The following FDXACB1 variants were observed in gnomAD, a reference collection of about 807,000 sequenced individuals.
FDXACB1 encodes the protein ferredoxin-fold anticodon-binding domain-containing protein 1.
In FDXACB1, 41 loss-of-function variants were observed where a neutral mutation model predicts 51.7. That is an observed-to-expected ratio of 0.79 (90% CI 0.62 to 1.03). The LOEUF (loss-of-function observed/expected upper bound fraction) is 1.03. Among genes scored for constraint, FDXACB1 ranks in the 50% least tolerant of loss-of-function variants. The pLI, the probability that FDXACB1 is intolerant of heterozygous loss-of-function variation, is 0.00. For missense variants in FDXACB1, 697 were observed against 746.4 expected (o/e 0.93, Z 0.77); for synonymous variants, 273 against 278.6 (o/e 0.98, Z 0.20).
intron 2 of FDXACB1, among the ~76,000 whole-genome samples, chr11:111,878,144 A>G (rs558022216): frequency 1.1e-4 from 16 of 152,086 alleles, no homozygotes; most frequent in African/African-American, 3.9e-4. Context: ...CCGAGATTGC[A>G]CCACACCACT....
intron 2 of FDXACB1, 67 bp downstream of exon 2, chr11:111,878,489 T>A (rs939691531): frequency 6.8e-7 from 1 of 1,478,662 alleles, no homozygotes; most frequent in Non-Finnish European, 9.1e-7. Flanking sequence ...GTGCCTTATG[T>A]TTGGGTACAG....
At position 111,876,488 on chromosome 11, in the gene FDXACB1, A is replaced by T; in HGVS notation, c.685T>A (p.Leu229Met). ...AGCAAAATAACTGGTTACCTGTTCA[A>T]CTTTCCTACAAGTGCTTCTGGTTCT... ...FPEPEALVGK[L>M]NRGFLEAPSC... The change falls in exon 4 of 5, where the codon TTG becomes ATG. Residue 229 changes from leucine to methionine, a missense_variant. Physicochemically the swap from Leu to Met is conservative, Grantham distance 15. Around this residue, in one of 3 missense-constraint regions of FDXACB1, gnomAD observed 538 missense variants for 592.2 expected, o/e 0.91. Transcript: ENST00000260257. 1 of 1,613,216 alleles carries T rather than the reference A, an allele frequency of 6.2e-7. No homozygotes were observed.
At chr11:111,877,808 C>T (rs1242457250) in intron 2 of FDXACB1, among the ~76,000 whole-genome samples, 17 of 151,528 alleles carry the variant, frequency 1.1e-4, no homozygotes, top group Admixed American at 1.1e-3. Context: ...TGAGCCACCA[C>T]GCCTGGCCCA....
Position 111,878,609 on chromosome 11 carries a change from T to TCCACA in FDXACB1, c.271_275dup (p.Arg93ValfsTer7). 3 of 1,603,764 alleles carry TCCACA rather than the reference T, an allele frequency of 1.9e-6. No individual in the cohort carries two copies. Among genetic ancestry groups the TCCACA allele is most frequent in the Non-Finnish European group, 2.6e-6 (3 of 1,174,882 alleles). On this transcript the variant is annotated frameshift_variant, in exon 2 of 5. Coordinates refer to ENST00000260257, the MANE Select transcript of FDXACB1 (RefSeq NM_138378.3). LOFTEE classifies it high-confidence loss of function. ...TGTTCTTAGCTACGCCAGCTTTGCGTCCACAATGCGGGAAGATGAAATAAA... is the reference window on the plus strand; with the variant it reads ...TGTTCTTAGCTACGCCAGCTTTGCGTCCACACCACAATGCGGGAAGATGAAATAAA...
At chr11:111,877,286 C>G (rs1555162317) in intron 2 of FDXACB1, among the ~76,000 whole-genome samples, 1 of 152,198 alleles carries the variant, frequency 6.6e-6, no homozygotes, top group African/African-American at 2.4e-5. Context: ...AGATCAATAT[C>G]TGCACAGTTC....
Position 111,878,617 on chromosome 11 carries a change from G to A in FDXACB1, c.268C>T (p.His90Tyr), listed in dbSNP as rs376916792. 2 of 1,603,750 alleles carry A rather than the reference G, an allele frequency of 1.2e-6. No individual in the cohort carries two copies. Among genetic ancestry groups the A allele is most frequent in the African/African-American group, 2.7e-5 (2 of 74,714 alleles). Residue 90 changes from histidine (H) to tyrosine (Y), a missense_variant, in exon 2 of 5, where the codon CAT (histidine) becomes TAT (tyrosine). His to Tyr is a moderately conservative substitution (Grantham distance 83). Around this residue, in one of 3 missense-constraint regions of FDXACB1, gnomAD observed 153 missense variants for 133.5 expected, o/e 1.15. Transcript: ENST00000260257. ...EFDQIYFIFP[H>Y]CGRKAGVAKN... ...GCTACGCCAGCTTTGCGTCCACAAT[G>A]CGGGAAGATGAAATAAATTTGATCA...
At chr11:111,877,512 C>CTTTTTTTTTTT (rs35506169) in intron 2 of FDXACB1, among the ~76,000 whole-genome samples, 1 of 106,916 alleles carries the variant, frequency 9.4e-6, no homozygotes, top group African/African-American at 3.5e-5. Context: ...CTGTTAGTTA[C>CTTTTTTTTTTT]TTTTTTTTTT....
chr11:111,878,177 G>C (rs1253181708), intron 2 of FDXACB1, among the ~76,000 whole-genome samples: 1 of 152,002 alleles, frequency 6.6e-6, no homozygotes, highest in Non-Finnish European at 1.5e-5. Context: ...GGGCGACAGG[G>C]CGAGACTCTG....
chr11:111,875,118 C>T lies in FDXACB1; in HGVS notation c.1679G>A (p.Arg560Gln), dbSNP rs782726472. 39 of 1,613,702 alleles carry T rather than the reference C, an allele frequency of 2.4e-5. No individual in the cohort carries two copies. Among genetic ancestry groups the T allele is most frequent in the Admixed American group, 1.0e-4 (6 of 60,006 alleles). Residue 560 changes from arginine to glutamine, a missense_variant, in exon 5 of 5, where the codon CGA (arginine) becomes CAA (glutamine). Around this residue, in one of 3 missense-constraint regions of FDXACB1, gnomAD observed 538 missense variants for 592.2 expected, o/e 0.91. Coordinates refer to ENST00000260257, the MANE Select transcript of FDXACB1 (RefSeq NM_138378.3). Reference sequence around the variant, plus strand: ...TATAATAGTGTCCTGAGACACTGCTCGGGCCACAGTGTGAAACTCTAGTTC... The same window carrying T: ...TATAATAGTGTCCTGAGACACTGCTTGGGCCACAGTGTGAAACTCTAGTTC... ...FDELEFHTVARAVSQDTIISI... is the reference protein window; with the variant it reads ...FDELEFHTVAQAVSQDTIISI...
chr11:111,876,506 C>A lies in FDXACB1; in HGVS notation c.667G>T (p.Glu223Ter), dbSNP rs781990717. ...GNQWFSFPEP[E>*]ALVGKLNRGF... ...CTGTTCAACTTTCCTACAAGTGCTT[C>A]TGGTTCTGGAAAGGAAAACCACTGG... Residue 223 changes from glutamate to a stop codon, truncating the protein, a stop_gained, in exon 4 of 5, where the codon GAA becomes TAA. Transcript: ENST00000260257. LOFTEE classifies it high-confidence loss of function. 62 of 1,613,608 alleles carry A rather than the reference C, an allele frequency of 3.8e-5. No homozygotes were observed. Among genetic ancestry groups the A allele is most frequent in the Non-Finnish European group, 5.9e-6 (7 of 1,179,814 alleles).
Position 111,874,795 on chromosome 11 carries a change from G to T in FDXACB1, c.*127C>A. 1 of 753,190 alleles carries T rather than the reference G, an allele frequency of 1.3e-6. No homozygotes were observed. Among genetic ancestry groups the T allele is most frequent in the Non-Finnish European group, 2.1e-6 (1 of 478,090 alleles). 46.7% of individuals were successfully genotyped at this position (753,190 alleles called of 1,614,324 possible). Reference sequence around the variant, plus strand: ...AAAAAAAAAAGATCAACGAACAGTAGCTATGGTCACAAAGTAAAAGATTTT... The same window carrying T: ...AAAAAAAAAAGATCAACGAACAGTATCTATGGTCACAAAGTAAAAGATTTT... On this transcript the variant is annotated 3_prime_UTR_variant, in exon 5 of 5. Transcript: ENST00000260257.
chr11:111,876,032 T>C lies in FDXACB1; in HGVS notation c.765A>G (p.Lys255=), dbSNP rs1555162115. ...INEKLIAELG[K]VFPLKRLKCS... ...ACTTCAGCCTTTTTAGCGGGAAAAC[T>C]TTGCCTAATTCAGCAATGAGTTTCT... is the stretch of plus-strand genomic sequence containing the variant. Residue 255 remains lysine (K), a synonymous_variant, in exon 5 of 5, where the codon AAA becomes AAG. Transcript: ENST00000260257. 3 of 1,613,914 alleles carry C rather than the reference T, an allele frequency of 1.9e-6. No homozygotes were observed. The highest frequency in any genetic ancestry group is 4.5e-5 in the East Asian group (2 of 44,882).
chr11:111,876,647 A>G lies in FDXACB1; in HGVS notation c.534-8T>C, dbSNP rs1964822649. 6.2e-7 allele frequency: 1 copy of G among 1,609,534 alleles called. No homozygotes were observed. The highest frequency in any genetic ancestry group is 8.5e-7 in the Non-Finnish European group (1 of 1,178,302). The stretch of plus-strand genomic sequence containing the variant: ...AAGGACTTATCTTGACTCCTGGCAA[A>G]ATAGACACCAATATGAAGTCTGTCA... On this transcript the variant is annotated splice_region_variant and splice_polypyrimidine_tract_variant and intron_variant, in intron 3 of 4. Transcript: ENST00000260257.
Position 111,879,033 on chromosome 11 carries a change from A to C in FDXACB1, c.100T>G (p.Cys34Gly). 6.2e-7 allele frequency: 1 copy of C among 1,613,676 alleles called. No homozygotes were observed. Among genetic ancestry groups the C allele is most frequent in the Non-Finnish European group, 8.5e-7 (1 of 1,179,818 alleles). Reference protein sequence around the residue: ...LDQSTQLTATCLQRPAELARD... With the variant: ...LDQSTQLTATGLQRPAELARD... ...GCCAACTCGGCCGGGCGCTGGAGGC[A>C]GGTGGCGGTAAGTTGAGTGCTCTGA... is the stretch of plus-strand genomic sequence containing the variant. The change falls in exon 1 of 5, where the codon TGC becomes GGC. Residue 34 changes from cysteine to glycine, a missense_variant. Transcript: ENST00000260257.
In FDXACB1 at chr11:111,879,042, T is replaced by A. The variant is rs200945875; in HGVS notation, c.91A>T (p.Thr31Ser). ...SETLDQSTQL[T>S]ATCLQRPAEL... ...GCCGGGCGCTGGAGGCAGGTGGCGG[T>A]AAGTTGAGTGCTCTGATCCAGGGTT... is the stretch of plus-strand genomic sequence containing the variant. Residue 31 changes from threonine (T) to serine (S), a missense_variant, in exon 1 of 5, where the codon ACC (threonine) becomes TCC (serine). Physicochemically the swap from Thr to Ser is moderately conservative, Grantham distance 58. Coordinates refer to ENST00000260257, the MANE Select transcript of FDXACB1 (RefSeq NM_138378.3). The A allele has an allele frequency of 5.6e-6, 9 of 1,613,420 alleles. No homozygotes were observed. In the East Asian group the frequency reaches 2.0e-4, roughly 36 times the overall value.
At chr11:111,876,376 A>G in intron 4 of FDXACB1, 105 bp downstream of exon 4, 2 of 1,331,394 alleles carry the variant, frequency 1.5e-6, no homozygotes, top group East Asian at 2.3e-5. Context: ...CATAGCACCA[A>G]CATCACTAAC....
rs782767492 is a variant in FDXACB1, at chr11:111,878,967, C to A, written c.166G>T (p.Glu56Ter). 4 of 1,595,206 alleles carry A rather than the reference C, an allele frequency of 2.5e-6. No individual in the cohort carries two copies. In the South Asian group the frequency reaches 3.4e-5, roughly 13 times the overall value. Residue 56 changes from glutamate to a stop codon, truncating the protein, a stop_gained, in exon 1 of 5, where the codon GAG (glutamate) becomes TAG (stop). Coordinates refer to ENST00000260257, the MANE Select transcript of FDXACB1 (RefSeq NM_138378.3). LOFTEE classifies it high-confidence loss of function. Reference protein sequence around the residue: ...LAWENLQCLRERGIDVRFGVD... With the variant: ...LAWENLQCLR Reference sequence around the variant, plus strand: ...AGAGGGGCGGGCTCGCTACCTCGCTCGCGCAGGCACTGCAGATTCTCCCAG... The same window carrying A: ...AGAGGGGCGGGCTCGCTACCTCGCTAGCGCAGGCACTGCAGATTCTCCCAG...
In FDXACB1 at chr11:111,875,775, C is replaced by T. The variant is rs376141657; in HGVS notation, c.1022G>A (p.Gly341Asp). ...AGGTCTAAGGCAGATCTTGGCCTGG[C>T]CACAGGTTCCTTCACAAGCTTCTTC... ...GKEEACEGTCGQAKICLRPSL... is the reference protein window; with the variant it reads ...GKEEACEGTCDQAKICLRPSL... Residue 341 changes from glycine (G) to aspartate (D), a missense_variant, in exon 5 of 5, where the codon GGC becomes GAC. Physicochemically the swap from Gly to Asp is moderately conservative, Grantham distance 94 (BLOSUM62 -1). Transcript: ENST00000260257. 22 of 1,613,674 alleles carry T rather than the reference C, an allele frequency of 1.4e-5. No individual in the cohort carries two copies. The African/African-American group carries it at 2.8e-4, about 21-fold the overall frequency.
Position 111,875,033 on chromosome 11 carries a change from A to G in FDXACB1, c.1764T>C (p.Tyr588=). 6.2e-7 allele frequency: 1 copy of G among 1,613,958 alleles called. No individual in the cohort carries two copies. Among genetic ancestry groups the G allele is most frequent in the Non-Finnish European group, 8.5e-7 (1 of 1,179,876 alleles). Residue 588 remains tyrosine (Y), a synonymous_variant, in exon 5 of 5, where the codon TAT becomes TAC. Transcript: ENST00000260257. The part of the protein sequence containing the change: ...HPKTQQVSLC[Y]RLTYQTCDKA... ...TGTCACAGGTCTGGTAGGTCAATCT[A>G]TAGCAGAGACTGACCTGTTGAGTCT...
Sources: gnomAD v4.1 joint callset for allele counts (sites outside exome capture counted in the v4.1 genomes callset) on GRCh38, gnomAD v4.1.1 for gene constraint, gnomAD v4.1.1 regional missense constraint, MANE v1.5 for transcripts, NCBI Gene and HGNC (gene_info 2026-07-23, HGNC 2026-07-21) for gene names.